The following NCAM1 variants were observed in gnomAD, a reference collection of about 807,000 sequenced individuals.
NCAM1 encodes neural cell adhesion molecule 1.
Under a neutral mutation model 109.8 loss-of-function variants are expected in NCAM1, and 14 were observed. That is an observed-to-expected ratio of 0.13 (90% CI 0.08 to 0.20). The LOEUF is 0.20. Among genes scored for constraint, NCAM1 ranks in the 10% least tolerant of loss-of-function variants. The pLI is 1.00. For synonymous variants in NCAM1, 418 were observed against 442.9 expected, an observed-to-expected ratio of 0.94 and a Z score of 0.70; for missense variants, 774 against 1,109.9, an observed-to-expected ratio of 0.70 and a Z score of 4.30.
chr11:113,268,649 C>A (rs2137746692), intron 17 of NCAM1, among the ~76,000 whole-genome samples: 1 of 152,292 alleles, frequency 6.6e-6, no homozygotes, highest in East Asian at 1.9e-4. Flanking sequence ...TGGACAGAGA[C>A]CCCTGGGGCA....
rs949087630 is a variant in NCAM1, at chr11:113,231,204, A to G, written c.1090-441A>G. On this transcript the variant is annotated intron_variant, in intron 9 of 19. Coordinates refer to ENST00000316851, the MANE Select transcript of NCAM1 (RefSeq NM_181351.5). ...GGAATGTCCTGCCACAGGTACATGC[A>G]CCATGGAACTGGCAAGTGGGCAGAC... 9 of 1,536,058 alleles carry G rather than the reference A, an allele frequency of 5.9e-6. No individual in the cohort carries two copies. In the African/African-American group the frequency reaches 1.2e-4, roughly 21 times the overall value.
At chr11:113,137,223 G>C (rs1188638974) in intron 1 of NCAM1, among the ~76,000 whole-genome samples, 1 of 152,154 alleles carries the variant, frequency 6.6e-6, no homozygotes, top group Non-Finnish European at 1.5e-5. Context: ...AAGAACATGA[G>C]TAAAATATAG....
intron 1 of NCAM1, among the ~76,000 whole-genome samples, chr11:112,985,998 A>G (rs1951291742): frequency 6.6e-6 from 1 of 151,986 alleles, no homozygotes; most frequent in Non-Finnish European, 1.5e-5. Context: ...CTGATCTTAG[A>G]GGAATATCTT....
intron 1 of NCAM1, among the ~76,000 whole-genome samples, chr11:113,155,514 AAAAAAC>A (rs1238823287): frequency 1.3e-5 from 2 of 151,682 alleles, no homozygotes; most frequent in African/African-American, 4.8e-5. Flanking sequence ...ATCTTAAAAA[AAAAAAC>A]AAAAAACAAA....
chr11:113,210,821 CAT>C (rs1555113554), intron 7 of NCAM1, among the ~76,000 whole-genome samples: 21 of 144,346 alleles, frequency 1.5e-4, no homozygotes, highest in South Asian at 2.2e-4. Context: ...CACACACACA[CAT>C]ATTTCACAAT....
intron 9 of NCAM1, 173 bp downstream of exon 9, chr11:113,221,498 G>T (rs1944693349): frequency 3.2e-6 from 2 of 624,616 alleles, no homozygotes; most frequent in Admixed American, 3.1e-5. Flanking sequence ...GAGCAAGCAA[G>T]CTGTGTTGGG....
At chr11:113,034,799 C>T (rs1339892562) in intron 1 of NCAM1, among the ~76,000 whole-genome samples, 2 of 152,158 alleles carry the variant, frequency 1.3e-5, no homozygotes, top group African/African-American at 4.8e-5. Context: ...GTGTGACTAA[C>T]CAAACCCCAA....
intron 4 of NCAM1, 68 bp downstream of exon 4, chr11:113,205,734 T>A: frequency 3.2e-6 from 5 of 1,546,572 alleles, no homozygotes; most frequent in Non-Finnish European, 4.4e-6. Flanking sequence ...TTTTCACCTG[T>A]ACTGAGGCAT....
chr11:112,969,250 T>C (rs1476385502), intron 1 of NCAM1, among the ~76,000 whole-genome samples: 1 of 151,670 alleles, frequency 6.6e-6, no homozygotes, highest in Non-Finnish European at 1.5e-5. Context: ...TAGCCAGAGA[T>C]AAGGAGAAAA....
At chr11:113,089,313 A>C (rs571420889) in intron 1 of NCAM1, among the ~76,000 whole-genome samples, 1 of 152,214 alleles carries the variant, frequency 6.6e-6, no homozygotes, top group African/African-American at 2.4e-5. Context: ...CTCAAATAAT[A>C]ATAATAACAA....
chr11:113,147,159 C>A (rs1049782400), intron 1 of NCAM1, among the ~76,000 whole-genome samples: 1 of 152,176 alleles, frequency 6.6e-6, no homozygotes, highest in African/African-American at 2.4e-5. Context: ...AGCTGCAATT[C>A]GGTTTATCTG....
intron 7 of NCAM1, among the ~76,000 whole-genome samples, chr11:113,213,938 C>T (rs908463168): frequency 1.2e-4 from 19 of 152,354 alleles, no homozygotes; most frequent in Admixed American, 2.6e-4. Flanking sequence ...TCATGCCACA[C>T]TGTTCTCTTC....
At chr11:113,225,202 G>T (rs1944807167) in intron 9 of NCAM1, among the ~76,000 whole-genome samples, 1 of 152,120 alleles carries the variant, frequency 6.6e-6, no homozygotes, top group South Asian at 2.1e-4. Flanking sequence ...TTAGACAAAT[G>T]GCTAACTAGA....
At chr11:113,179,223 A>G (rs782515231) in intron 1 of NCAM1, among the ~76,000 whole-genome samples, 8 of 152,242 alleles carry the variant, frequency 5.3e-5, no homozygotes, top group Non-Finnish European at 8.8e-5. Flanking sequence ...TTTTAATTAT[A>G]CATTTTAACA....
chr11:113,155,084 C>T (rs556035652), intron 1 of NCAM1, among the ~76,000 whole-genome samples: 4 of 152,052 alleles, frequency 2.6e-5, no homozygotes, highest in African/African-American at 4.8e-5. Context: ...AAGATGCACC[C>T]GAGGAGATCC....
chr11:113,020,300 G>A (rs782331554), intron 1 of NCAM1, among the ~76,000 whole-genome samples: 10 of 152,138 alleles, frequency 6.6e-5, no homozygotes, highest in Non-Finnish European at 1.3e-4. Context: ...GAAGAGGCTG[G>A]GTGAGGGTGC....
At chr11:113,261,348 G>T (rs1565536313) in intron 17 of NCAM1, among the ~76,000 whole-genome samples, 1 of 152,166 alleles carries the variant, frequency 6.6e-6, no homozygotes, top group Non-Finnish European at 1.5e-5. Context: ...AACAAAACGG[G>T]ATCAGTGTGT....
At chr11:112,985,023 C>T (rs1298898080) in intron 1 of NCAM1, among the ~76,000 whole-genome samples, 2 of 151,628 alleles carry the variant, frequency 1.3e-5, no homozygotes, top group African/African-American at 4.8e-5. Context: ...AGTTTTATAG[C>T]TCCAGGTCTT....
intron 14 of NCAM1, among the ~76,000 whole-genome samples, chr11:113,245,507 C>T (rs917863211): frequency 6.6e-6 from 1 of 152,164 alleles, no homozygotes; most frequent in Non-Finnish European, 1.5e-5. Flanking sequence ...GCACGTTGGG[C>T]CAAAGGTACA....
Sources: allele counts gnomAD v4.1 joint callset (sites outside exome capture counted in the v4.1 genomes callset), GRCh38; gene constraint gnomAD v4.1.1; transcripts MANE v1.5; gene names NCBI Gene and HGNC (gene_info 2026-07-23, HGNC 2026-07-21).